BTF3L4: variants seen among roughly 807,000 people sequenced by gnomAD.
BTF3L4 encodes transcription factor BTF3 homolog 4.
A neutral mutation model predicts 16.8 loss-of-function variants in BTF3L4; 6 were observed. The observed-to-expected ratio is 0.36, with a 90% CI of 0.20 to 0.71. The LOEUF is 0.71. BTF3L4 is among the 30% of genes least tolerant of loss of function. BTF3L4 has a pLI of 0.58. For missense variants in BTF3L4, 92 were observed against 186.9 expected, an observed-to-expected ratio of 0.49 and a Z score of 2.96; for synonymous variants, 39 against 59.8, an observed-to-expected ratio of 0.65 and a Z score of 1.60.
intron 3 of BTF3L4, among the ~76,000 whole-genome samples, chr1:52,074,589 T>A (rs550596082): frequency 6.6e-6 from 1 of 152,232 alleles, no homozygotes; most frequent in Admixed American, 6.5e-5. Context: ...CTTGAACTCC[T>A]GACCTCAGGT....
chr1:52,062,513 T>C (rs762786958), intron 2 of BTF3L4, among the ~76,000 whole-genome samples: 3 of 152,154 alleles, frequency 2.0e-5, no homozygotes, highest in Admixed American at 2.0e-4. Flanking sequence ...ACAGCTGTTC[T>C]TTAGTGTACG....
In BTF3L4 at chr1:52,087,050, T is replaced by C; in HGVS notation, c.*292T>C. On this transcript the variant is annotated 3_prime_UTR_variant, in exon 6 of 6. Coordinates refer to ENST00000313334, the MANE Select transcript of BTF3L4 (RefSeq NM_152265.5). ...GTTTGGGGTATTTTTGGTGTATGTA[T>C]GTTTATGTATGTGTGTGGGTATGTG... 1 of 287,610 alleles carries C rather than the reference T, an allele frequency of 3.5e-6. No individual in the cohort carries two copies. Among genetic ancestry groups the C allele is most frequent in the East Asian group, 6.4e-5 (1 of 15,634 alleles). The allele number at this position is 287,610 out of a possible 1,614,324, so 17.8% of individuals were successfully genotyped here. A position where few individuals can be genotyped will look rare whatever the true frequency, so the allele number is the denominator to read the frequency against.
intron 1 of BTF3L4, among the ~76,000 whole-genome samples, chr1:52,057,337 C>T (rs1425742145): frequency 6.6e-6 from 1 of 152,184 alleles, no homozygotes; most frequent in South Asian, 2.1e-4. Flanking sequence ...CCTGTTTACA[C>T]CCTTTCTTGA....
intron 3 of BTF3L4, among the ~76,000 whole-genome samples, chr1:52,079,006 T>A (rs909987956): frequency 6.6e-6 from 1 of 152,178 alleles, no homozygotes; most frequent in Non-Finnish European, 1.5e-5. Flanking sequence ...CAGTATAAAA[T>A]CACTGAAAGA....
At chr1:52,056,770 C>A (rs778258361) in intron 1 of BTF3L4, among the ~76,000 whole-genome samples, 3 of 152,248 alleles carry the variant, frequency 2.0e-5, no homozygotes, top group African/African-American at 4.8e-5. Context: ...GATAGGGAAG[C>A]TGAGGTTACC....
chr1:52,067,927 C>G (rs1320211089), intron 3 of BTF3L4, among the ~76,000 whole-genome samples: 1 of 152,144 alleles, frequency 6.6e-6, no homozygotes, highest in African/African-American at 2.4e-5. Context: ...AAAAATATCT[C>G]TAGAGATTGC....
intron 4 of BTF3L4, among the ~76,000 whole-genome samples, chr1:52,084,688 A>G (rs1643954166): frequency 6.6e-6 from 1 of 151,988 alleles, no homozygotes; most frequent in Admixed American, 6.6e-5. Flanking sequence ...GCTACTCAGG[A>G]GGCTGATGCA....
chr1:52,069,965 G>A (rs1017480138), intron 3 of BTF3L4, among the ~76,000 whole-genome samples: 4 of 151,898 alleles, frequency 2.6e-5, no homozygotes, highest in South Asian at 2.1e-4. Flanking sequence ...TCCTGTAATC[G>A]TAGCACTTTG....
rs989731605 is a variant in BTF3L4 at position 52,062,517 on chromosome 1, G to A, written c.55-2308G>A. On this transcript the variant is annotated intron_variant, in intron 2 of 5. Transcript: ENST00000313334. The stretch of plus-strand genomic sequence containing the variant: ...GCTCGGCCGGTACAGCTGTTCTTTA[G>A]TGTACGTAATGGATAGAGAATGGCA... Among the ~76,000 whole-genome samples, 34 of 152,158 alleles carry A rather than the reference G, an allele frequency of 2.2e-4. 1 individual carries two copies. The highest frequency in any genetic ancestry group is 7.9e-4 in the African/African-American group (33 of 41,528).
At chr1:52,059,727 G>T in intron 1 of BTF3L4, 108 bp from the exon 2 acceptor site, 1 of 756,252 alleles carries the variant, frequency 1.3e-6, no homozygotes, top group Non-Finnish European at 2.3e-6. Flanking sequence ...TATGGTCATG[G>T]TGTTGATGCA....
chr1:52,074,892 G>A (rs1193156937), intron 3 of BTF3L4, among the ~76,000 whole-genome samples: 1 of 151,346 alleles, frequency 6.6e-6, no homozygotes, highest in Non-Finnish European at 1.5e-5. Flanking sequence ...TGTCACCCAG[G>A]CTGAGAGATT....
chr1:52,089,299 A>G lies in BTF3L4; in HGVS notation c.*2541A>G, dbSNP rs1050250815. ...TTTATTGTATTGATAACAATTCTTA[A>G]TGGCTGGCCTCTCTTGTGTACAATG... On this transcript the variant is annotated 3_prime_UTR_variant, in exon 6 of 6. Coordinates refer to ENST00000313334, the MANE Select transcript of BTF3L4 (RefSeq NM_152265.5). 1 of 151,998 alleles carries G rather than the reference A, an allele frequency of 6.6e-6. No homozygotes were observed. Among genetic ancestry groups the G allele is most frequent in the African/African-American group, 2.4e-5 (1 of 41,354 alleles). 9.4% of individuals were successfully genotyped at this position (151,998 alleles called of 1,614,324 possible). A position where few individuals can be genotyped will look rare whatever the true frequency, so the allele number is the denominator to read the frequency against.
chr1:52,079,903 G>A (rs1440726099), intron 3 of BTF3L4, among the ~76,000 whole-genome samples: 2 of 127,342 alleles, frequency 1.6e-5, no homozygotes, highest in African/African-American at 3.0e-5. Flanking sequence ...ACAGGGTCTC[G>A]CTCTGTCGCC....
chr1:52,058,004 T>C (rs1558002630), intron 1 of BTF3L4, among the ~76,000 whole-genome samples: 1 of 152,232 alleles, frequency 6.6e-6, no homozygotes, highest in Non-Finnish European at 1.5e-5. Flanking sequence ...TTACCAAGTA[T>C]CTAGGTCTAA....
intron 3 of BTF3L4, among the ~76,000 whole-genome samples, chr1:52,081,319 A>C (rs1037620674): frequency 3.0e-4 from 46 of 151,756 alleles, no homozygotes; most frequent in African/African-American, 1.1e-3. Context: ...TTTTTAGTAG[A>C]GATGGGGTTT....
chr1:52,073,490 A>G (rs1168031696), intron 3 of BTF3L4, among the ~76,000 whole-genome samples: 2 of 76,006 alleles, frequency 2.6e-5, no homozygotes, highest in African/African-American at 9.6e-5. Context: ...TATATATGCT[A>G]CATACACACA....
intron 3 of BTF3L4, among the ~76,000 whole-genome samples, chr1:52,080,119 G>A (rs1468808182): frequency 1.3e-5 from 2 of 151,988 alleles, no homozygotes; most frequent in African/African-American, 4.8e-5. Flanking sequence ...TGATCCACCC[G>A]CCTCAGCCTC....
intron 3 of BTF3L4, among the ~76,000 whole-genome samples, chr1:52,080,359 GA>G (rs1438572789): frequency 6.6e-6 from 1 of 151,956 alleles, no homozygotes; most frequent in Non-Finnish European, 1.5e-5. Flanking sequence ...ATTTGAACTG[GA>G]AGACTTCTAA....
chr1:52,085,954 TACTC>T (rs1643967819), intron 4 of BTF3L4, among the ~76,000 whole-genome samples, 154 bp from the exon 5 acceptor site: 1 of 152,248 alleles, frequency 6.6e-6, no homozygotes, highest in Admixed American at 6.5e-5. Context: ...TTTTTAATGT[TACTC>T]AAGCAAAAAA....
Sources: allele counts gnomAD v4.1 joint callset (sites outside exome capture counted in the v4.1 genomes callset), GRCh38; gene constraint gnomAD v4.1.1; transcripts MANE v1.5; gene names NCBI Gene and HGNC (gene_info 2026-07-23, HGNC 2026-07-21).